FUT9: variants seen among roughly 807,000 people sequenced by gnomAD.
FUT9 encodes 4-galactosyl-N-acetylglucosaminide 3-alpha-L-fucosyltransferase 9.
In FUT9, 15 loss-of-function variants were observed where a neutral mutation model predicts 29.7. The observed-to-expected ratio is 0.51, with a 90% CI of 0.34 to 0.78. FUT9 has a LOEUF of 0.78. Among genes scored for constraint, FUT9 ranks in the 30% least tolerant of loss-of-function variants. The pLI, the probability that FUT9 is intolerant of heterozygous loss-of-function variation, is 0.01. For synonymous variants in FUT9, 169 were observed against 153.7 expected, an observed-to-expected ratio of 1.10 and a Z score of -0.74; for missense variants, 319 against 425.4, an observed-to-expected ratio of 0.75 and a Z score of 2.20.
chr6:96,096,595 C>T (rs1771499982), intron 1 of FUT9, among the ~76,000 whole-genome samples: 1 of 151,910 alleles, frequency 6.6e-6, no homozygotes, highest in South Asian at 2.1e-4. Context: ...CTCTGGTCCC[C>T]TCACAGGTCC....
chr6:96,121,889 G>A (rs1772035291), intron 2 of FUT9, among the ~76,000 whole-genome samples: 1 of 151,976 alleles, frequency 6.6e-6, no homozygotes, highest in African/African-American at 2.4e-5. Flanking sequence ...CCTAGTATAT[G>A]CCTCTTGATT....
chr6:96,037,902 C>T (rs1465679728), intron 1 of FUT9, among the ~76,000 whole-genome samples: 1 of 152,008 alleles, frequency 6.6e-6, no homozygotes, highest in African/African-American at 2.4e-5. Context: ...CACAGAAATA[C>T]TGGCTAAGAC....
chr6:96,149,869 T>C (rs1331178985), intron 2 of FUT9, among the ~76,000 whole-genome samples: 8 of 152,154 alleles, frequency 5.3e-5, no homozygotes, highest in Admixed American at 6.6e-5. Context: ...TCCACTCTTT[T>C]AGTTATTTTG....
intron 1 of FUT9, among the ~76,000 whole-genome samples, chr6:96,033,818 G>A (rs1321099473): frequency 6.6e-6 from 1 of 151,480 alleles, no homozygotes; most frequent in African/African-American, 2.4e-5. Flanking sequence ...TAGCAAATAT[G>A]TAAACACACA....
intron 1 of FUT9, among the ~76,000 whole-genome samples, chr6:96,076,102 A>G (rs1196117524): frequency 1.3e-5 from 2 of 152,136 alleles, no homozygotes; most frequent in African/African-American, 2.4e-5. Context: ...TCTGTGGGTA[A>G]CATATCCATG....
intron 1 of FUT9, among the ~76,000 whole-genome samples, chr6:96,101,059 G>T (rs540591630): frequency 6.6e-6 from 1 of 152,074 alleles, no homozygotes; most frequent in South Asian, 2.1e-4. Flanking sequence ...TTCATATCTC[G>T]TTATGTAACT....
Position 96,016,536 on chromosome 6 carries a change from A to C in FUT9, c.-98+324A>C, listed in dbSNP as rs149917731. ...CCCAAACAGGGTCATCTCTACTGTT[A>C]CTGTCCCTGCGTTCCCACCTTATGC... On this transcript the variant is annotated intron_variant, in intron 1 of 2. Coordinates refer to ENST00000302103, the MANE Select transcript of FUT9 (RefSeq NM_006581.4). Among the ~76,000 whole-genome samples the C allele has an allele frequency of 6.2e-4, 94 of 152,204 alleles. No individual in the cohort carries two copies. In the East Asian group the frequency reaches 0.014, roughly 22 times the overall value.
intron 1 of FUT9, among the ~76,000 whole-genome samples, chr6:96,089,916 A>G (rs1771382918): frequency 1.3e-5 from 2 of 152,196 alleles, no homozygotes; most frequent in Non-Finnish European, 2.9e-5. Flanking sequence ...CACAGAAAGA[A>G]CAATGCACTA....
chr6:96,041,435 T>C (rs956674717), intron 1 of FUT9, among the ~76,000 whole-genome samples: 1 of 152,310 alleles, frequency 6.6e-6, no homozygotes, highest in Admixed American at 6.5e-5. Flanking sequence ...GTTCCCTGAA[T>C]GTAAACAGAC....
chr6:96,152,978 A>G (rs1772705774), intron 2 of FUT9, among the ~76,000 whole-genome samples: 1 of 152,156 alleles, frequency 6.6e-6, no homozygotes, highest in Admixed American at 6.6e-5. Flanking sequence ...CTTCCAGGAA[A>G]ACTACAGAAA....
chr6:96,104,033 C>T (rs911783813), intron 1 of FUT9, among the ~76,000 whole-genome samples: 2 of 152,126 alleles, frequency 1.3e-5, no homozygotes, highest in Non-Finnish European at 2.9e-5. Flanking sequence ...AGAAGGACAA[C>T]CACATTATCT....
At chr6:96,151,109 A>G (rs2127976669) in intron 2 of FUT9, among the ~76,000 whole-genome samples, 1 of 152,194 alleles carries the variant, frequency 6.6e-6, no homozygotes, top group East Asian at 1.9e-4. Flanking sequence ...AGTGGGTAAC[A>G]CCAAGAAAAA....
At chr6:96,178,427 A>G (rs1025765873) in intron 2 of FUT9, among the ~76,000 whole-genome samples, 2 of 152,206 alleles carry the variant, frequency 1.3e-5, no homozygotes, top group African/African-American at 2.4e-5. Flanking sequence ...TATTAGCACT[A>G]ATCGAAATTT....
intron 2 of FUT9, among the ~76,000 whole-genome samples, chr6:96,185,805 T>C (rs1773396346): frequency 6.6e-6 from 1 of 152,130 alleles, no homozygotes; most frequent in Non-Finnish European, 1.5e-5. Flanking sequence ...TTCTTCTGAG[T>C]ATTTAGCAAC....
intron 1 of FUT9, among the ~76,000 whole-genome samples, chr6:96,105,935 T>G (rs1169365688): frequency 1.3e-5 from 2 of 152,180 alleles, no homozygotes; most frequent in Non-Finnish European, 2.9e-5. Context: ...CCTATTAAAT[T>G]TTAAGAACCC....
intron 2 of FUT9, among the ~76,000 whole-genome samples, chr6:96,126,068 A>G (rs1772128365): frequency 1.3e-5 from 2 of 152,116 alleles, no homozygotes; most frequent in East Asian, 1.9e-4. Context: ...TCTACCCCCA[A>G]TAGTGCTTAA....
chr6:96,155,560 C>G (rs1346979069), intron 2 of FUT9, among the ~76,000 whole-genome samples: 1 of 151,952 alleles, frequency 6.6e-6, no homozygotes, highest in Middle Eastern at 3.4e-3. Context: ...GTAGTCCTAG[C>G]TGCTTGGGAG....
chr6:96,037,017 G>A (rs749760236), intron 1 of FUT9: 1 of 152,114 alleles, frequency 6.6e-6, no homozygotes, highest in East Asian at 1.9e-4. Flanking sequence ...TAGAAAGCTA[G>A]AGGCCTTTTA....
chr6:96,140,121 T>G (rs1772435135), intron 2 of FUT9, among the ~76,000 whole-genome samples: 1 of 152,156 alleles, frequency 6.6e-6, no homozygotes, highest in African/African-American at 2.4e-5. Context: ...AGTTCAAAGT[T>G]TTACAGATCT....
Sources: gnomAD v4.1 joint callset for allele counts (sites outside exome capture counted in the v4.1 genomes callset) on GRCh38, gnomAD v4.1.1 for gene constraint, MANE v1.5 for transcripts, NCBI Gene and HGNC (gene_info 2026-07-23, HGNC 2026-07-21) for gene names.